FHL2: variants seen among roughly 807,000 people sequenced by gnomAD.
The protein encoded by FHL2 is four and a half LIM domains 2.
In FHL2, 20 loss-of-function variants were observed where a neutral mutation model predicts 32.7. The observed-to-expected ratio is 0.61, with a 90% CI of 0.43 to 0.89. FHL2 has a LOEUF of 0.89. Among genes scored for constraint, FHL2 ranks in the 40% least tolerant of loss-of-function variants. The pLI, the probability that FHL2 is intolerant of heterozygous loss-of-function variation, is 0.00. For missense variants in FHL2, 311 were observed against 358.6 expected (o/e 0.87, Z 1.07); for synonymous variants, 123 against 128.1 (o/e 0.96, Z 0.27).
At chr2:105,391,656 A>G (rs897419773) in intron 2 of FHL2, among the ~76,000 whole-genome samples, 1 of 152,194 alleles carries the variant, frequency 6.6e-6, no homozygotes, top group Non-Finnish European at 1.5e-5. Context: ...TTTACTATGC[A>G]AGACAGGGGG....
chr2:105,426,911 T>G (rs1684286623), intron 1 of FHL2, among the ~76,000 whole-genome samples: 1 of 152,242 alleles, frequency 6.6e-6, no homozygotes, highest in African/African-American at 2.4e-5. Flanking sequence ...TGCAAGGTTT[T>G]GGCTTTTTCT....
At chr2:105,401,091 T>C (rs1471598314), upstream of FHL2, among the ~76,000 whole-genome samples, 3 of 150,262 alleles carry the variant, frequency 2.0e-5, no homozygotes, top group Non-Finnish European at 3.0e-5. Context: ...TTGGATCTTA[T>C]TGGATTCTAA....
chr2:105,362,574 G>A (rs1680346396), intron 6 of FHL2, among the ~76,000 whole-genome samples: 1 of 152,196 alleles, frequency 6.6e-6, no homozygotes, highest in South Asian at 2.1e-4. Flanking sequence ...CAACGGGATT[G>A]CAAATCCCAC....
upstream of FHL2, among the ~76,000 whole-genome samples, chr2:105,401,983 CTA>C (rs1205541767): frequency 4.6e-5 from 7 of 150,592 alleles, no homozygotes; most frequent in Non-Finnish European, 1.0e-4. Flanking sequence ...CATTCAAAAA[CTA>C]AATATATATA....
At chr2:105,359,286 T>G (rs568752387), downstream of FHL2, 1 of 152,176 alleles carries the variant, frequency 6.6e-6, no homozygotes, top group African/African-American at 2.4e-5. Flanking sequence ...AAAATGAAAT[T>G]TGGAGTGCTT....
intron 2 of FHL2, among the ~76,000 whole-genome samples, chr2:105,395,872 G>A (rs1240248002): frequency 6.6e-6 from 1 of 152,148 alleles, no homozygotes; most frequent in Non-Finnish European, 1.5e-5. Context: ...GTGGGCCACC[G>A]AAGGCTGAGG....
intron 1 of FHL2, among the ~76,000 whole-genome samples, chr2:105,425,386 G>A (rs912446432): frequency 1.3e-5 from 2 of 152,122 alleles, no homozygotes; most frequent in African/African-American, 4.8e-5. Flanking sequence ...TTGAAAGCAG[G>A]GTATTGTCCA....
intron 1 of FHL2, among the ~76,000 whole-genome samples, chr2:105,423,463 C>G (rs1293245714): frequency 2.0e-5 from 3 of 152,212 alleles, no homozygotes; most frequent in Admixed American, 1.3e-4. Context: ...ATACTTCTAA[C>G]AGTATTTTTA....
upstream of FHL2, chr2:105,399,759 G>T (rs1250034248): frequency 1.3e-6 from 1 of 793,522 alleles, no homozygotes; most frequent in South Asian, 1.9e-5. Context: ...CAGCATTGTC[G>T]CAGGGAGAGC....
At chr2:105,420,316 G>A (rs1558730568) in intron 1 of FHL2, among the ~76,000 whole-genome samples, 1 of 152,260 alleles carries the variant, frequency 6.6e-6, no homozygotes, top group Admixed American at 6.5e-5. Flanking sequence ...CGTGGACATA[G>A]TATCTCCCTG....
Position 105,361,909 on chromosome 2 carries a change from A to AG in FHL2, c.689-476dup, listed in dbSNP as rs151265885. ...ATAAAGTGCGATGTGGGTGGGAATG[A>AG]GGGGAGAGGGATATTGTCGCAGTGG... On this transcript the variant is annotated intron_variant, in intron 6 of 6. Coordinates refer to ENST00000530340, the MANE Select transcript of FHL2 (RefSeq NM_001318895.3). 7.7e-3 allele frequency among the ~76,000 whole-genome samples: 1,169 copies of AG among 152,280 alleles called. 6 individuals carry two copies. Among genetic ancestry groups the AG allele is most frequent in the Admixed American group, 0.014 (215 of 15,290 alleles).
At chr2:105,367,867 G>C in intron 4 of FHL2, 128 bp from the exon 5 acceptor site, 1 of 881,344 alleles carries the variant, frequency 1.1e-6, no homozygotes, top group South Asian at 1.8e-5. Flanking sequence ...GCTCTTGAAG[G>C]CTCGCCTCTA....
intron 4 of FHL2, among the ~76,000 whole-genome samples, chr2:105,370,574 G>A (rs1680988212): frequency 6.6e-6 from 1 of 152,172 alleles, no homozygotes; most frequent in Non-Finnish European, 1.5e-5. Context: ...ACTGACTTGT[G>A]TGGGGGGTGT....
chr2:105,367,112 A>G (rs1209138652), intron 5 of FHL2, among the ~76,000 whole-genome samples: 2 of 152,188 alleles, frequency 1.3e-5, no homozygotes, highest in Non-Finnish European at 2.9e-5. Flanking sequence ...TCCCATATCC[A>G]TGGAGGCAGA....
In FHL2 at chr2:105,373,704, A is replaced by G. The variant is rs1462640060; in HGVS notation, c.186T>C (p.His62=). The G allele has an allele frequency of 4.3e-6, 7 of 1,614,168 alleles. No individual in the cohort carries two copies. In the Admixed American group the frequency reaches 8.3e-5, roughly 19 times the overall value. ...ACTGCGAGCAGTGGAAACAGGCTTCATGCCAGTGCCGGTCCTTGTAAGACA... is the reference window on the plus strand; with the variant it reads ...ACTGCGAGCAGTGGAAACAGGCTTCGTGCCAGTGCCGGTCCTTGTAAGACA... ...KDLSYKDRHW[H]EACFHCSQCR... Residue 62 remains histidine, a synonymous_variant, in exon 4 of 7, where the codon CAT becomes CAC. Coordinates refer to ENST00000530340, the MANE Select transcript of FHL2 (RefSeq NM_001318895.3).
upstream of FHL2, chr2:105,399,431 G>A: frequency 3.3e-6 from 5 of 1,536,190 alleles, no homozygotes; most frequent in Non-Finnish European, 4.4e-6. Context: ...GGAGGCGGAG[G>A]GAGGAGGGGG....
At chr2:105,422,821 AT>A (rs1368617699) in intron 1 of FHL2, among the ~76,000 whole-genome samples, 1 of 152,190 alleles carries the variant, frequency 6.6e-6, no homozygotes, top group Non-Finnish European at 1.5e-5. Flanking sequence ...TACAGGTTGC[AT>A]TGTACAAGAT....
intron 1 of FHL2, among the ~76,000 whole-genome samples, chr2:105,413,976 G>A (rs1683864442): frequency 6.6e-6 from 1 of 152,160 alleles, no homozygotes; most frequent in South Asian, 2.1e-4. Flanking sequence ...AGTCCCACAA[G>A]ACTGCCACTC....
At chr2:105,360,690 G>C (rs956736287), downstream of FHL2, 1 of 152,346 alleles carries the variant, frequency 6.6e-6, no homozygotes, top group African/African-American at 2.4e-5. Context: ...TGCTGTTCCA[G>C]TTGGCAATGC....
Sources: allele counts gnomAD v4.1 joint callset (sites outside exome capture counted in the v4.1 genomes callset), GRCh38; gene constraint gnomAD v4.1.1; transcripts MANE v1.5; gene names NCBI Gene and HGNC (gene_info 2026-07-23, HGNC 2026-07-21).